The following THSD7A variants were observed in gnomAD, a reference collection of about 807,000 sequenced individuals.
The protein encoded by THSD7A is thrombospondin type 1 domain containing 7A.
A neutral mutation model predicts 231.3 loss-of-function variants in THSD7A; 96 were observed. The observed-to-expected ratio is 0.41, with a 90% CI of 0.35 to 0.49. The LOEUF (loss-of-function observed/expected upper bound fraction) is 0.49, where lower values mean the gene tolerates loss of function less well. THSD7A is among the 20% of genes least tolerant of loss of function. THSD7A has a pLI of 0.05. For missense variants in THSD7A, 2,290 were observed against 2,070.2 expected, an observed-to-expected ratio of 1.11 and a Z score of -2.06; for synonymous variants, 940 against 743.3, an observed-to-expected ratio of 1.26 and a Z score of -4.30.
intron 6 of THSD7A, among the ~76,000 whole-genome samples, chr7:11,487,293 A>T (rs1259770424): frequency 1.3e-5 from 2 of 152,202 alleles, no homozygotes; most frequent in Non-Finnish European, 2.9e-5. Flanking sequence ...GAAGACTACC[A>T]TAGAAACACA....
At chr7:11,674,994 ACAGC>A (rs1783578937) in intron 1 of THSD7A, among the ~76,000 whole-genome samples, 2 of 152,176 alleles carry the variant, frequency 1.3e-5, no homozygotes, top group Admixed American at 6.5e-5. Flanking sequence ...CCGAATAGGA[ACAGC>A]TCCAGTCTGC....
intron 1 of THSD7A, among the ~76,000 whole-genome samples, chr7:11,791,077 A>C (rs1338265876): frequency 6.6e-6 from 1 of 152,006 alleles, no homozygotes; most frequent in African/African-American, 2.4e-5. Flanking sequence ...CTGTAACTTA[A>C]CAAGAGCAAG....
intron 1 of THSD7A, among the ~76,000 whole-genome samples, chr7:11,688,759 T>C (rs1780142500): frequency 6.6e-6 from 1 of 151,596 alleles, no homozygotes; most frequent in Non-Finnish European, 1.5e-5. Flanking sequence ...TGAGAGGTAA[T>C]GGAGGAGGAA....
intron 23 of THSD7A, among the ~76,000 whole-genome samples, chr7:11,391,565 G>GC (rs1429455064): frequency 6.6e-6 from 1 of 152,090 alleles, no homozygotes; most frequent in Admixed American, 6.5e-5. Flanking sequence ...AGACCACTTG[G>GC]CCCCCTGGCC....
At chr7:11,463,555 C>T (rs12699192) in intron 9 of THSD7A, among the ~76,000 whole-genome samples, 52,729 of 152,030 alleles carry the variant, frequency 0.35, 11,051 homozygotes, top group Non-Finnish European at 0.47. Flanking sequence ...TCTGGGCTTA[C>T]ATGTAACTTT....
At chr7:11,565,703 C>T (rs1359316601) in intron 4 of THSD7A, among the ~76,000 whole-genome samples, 1 of 152,186 alleles carries the variant, frequency 6.6e-6, no homozygotes, top group Non-Finnish European at 1.5e-5. Context: ...CACATCGTTT[C>T]CTCTTGTTCT....
chr7:11,406,212 T>A lies in THSD7A; in HGVS notation c.4237+88A>T, dbSNP rs1467724156. The A allele has an allele frequency of 7.6e-7, 1 of 1,321,156 alleles. No individual in the cohort carries two copies. Among genetic ancestry groups the A allele is most frequent in the African/African-American group, 1.5e-5 (1 of 67,814 alleles). The allele number at this position is 1,321,156 out of a possible 1,614,324, so 81.8% of individuals were successfully genotyped here. A position where few individuals can be genotyped will look rare whatever the true frequency, so the allele number is the denominator to read the frequency against. ...CTGAATAAGAAGACTGTTGACATCC[T>A]GTAACTTATACTTTATATGCAACCC... On this transcript the variant is annotated intron_variant, in intron 22 of 27. Transcript: ENST00000423059. This position sits in a 1 kb window ranked among gnomAD's most constrained non-coding sequence, Gnocchi z 4.7.
intron 1 of THSD7A, among the ~76,000 whole-genome samples, chr7:11,763,114 C>G (rs1175709888): frequency 6.6e-6 from 1 of 152,160 alleles, no homozygotes; most frequent in Admixed American, 6.5e-5. Context: ...AACAACCCCC[C>G]ACACTTTGCC....
At chr7:11,791,899 G>C (rs929939052) in intron 1 of THSD7A, among the ~76,000 whole-genome samples, 1 of 151,682 alleles carries the variant, frequency 6.6e-6, no homozygotes, top group Non-Finnish European at 1.5e-5. Flanking sequence ...AAATTTTTGG[G>C]GGCTATCCAC....
chr7:11,694,777 T>A (rs1187545277), intron 1 of THSD7A, among the ~76,000 whole-genome samples: 5 of 151,602 alleles, frequency 3.3e-5, no homozygotes, highest in African/African-American at 9.7e-5. Flanking sequence ...ATTTTTAACC[T>A]AAATGTAATA....
At chr7:11,495,189 G>T (rs1256695997) in intron 6 of THSD7A, among the ~76,000 whole-genome samples, 1 of 151,864 alleles carries the variant, frequency 6.6e-6, no homozygotes. Flanking sequence ...ACAAATCATT[G>T]CTCATTGAGA....
chr7:11,827,420 AT>A (rs957689267), intron 1 of THSD7A, among the ~76,000 whole-genome samples: 2 of 152,218 alleles, frequency 1.3e-5, no homozygotes, highest in African/African-American at 4.8e-5. Flanking sequence ...TTTCTAAAAT[AT>A]TTTAGAATTC....
At chr7:11,804,809 C>T (rs1332275800) in intron 1 of THSD7A, among the ~76,000 whole-genome samples, 1 of 152,152 alleles carries the variant, frequency 6.6e-6, no homozygotes, top group Admixed American at 6.6e-5. Context: ...GTTCAGTCCT[C>T]ACATCTGCGG....
intron 1 of THSD7A, among the ~76,000 whole-genome samples, chr7:11,659,289 T>C (rs1383417772): frequency 6.6e-6 from 1 of 151,638 alleles, no homozygotes; most frequent in African/African-American, 2.4e-5. Flanking sequence ...TCATCTGTTC[T>C]CTGCACCGAG....
chr7:11,718,676 A>C (rs1306537545), intron 1 of THSD7A, among the ~76,000 whole-genome samples: 2 of 151,644 alleles, frequency 1.3e-5, no homozygotes, highest in East Asian at 3.9e-4. Context: ...TTAGTATAAG[A>C]AACTGACCAA....
At chr7:11,564,850 A>G (rs1038051283) in intron 4 of THSD7A, among the ~76,000 whole-genome samples, 2 of 152,182 alleles carry the variant, frequency 1.3e-5, no homozygotes, top group African/African-American at 4.8e-5. Flanking sequence ...AATTTCTCTC[A>G]CTGACCTTGT....
At chr7:11,745,427 G>T (rs1430416711) in intron 1 of THSD7A, among the ~76,000 whole-genome samples, 2 of 151,968 alleles carry the variant, frequency 1.3e-5, no homozygotes, top group Non-Finnish European at 2.9e-5. Context: ...TTCTTTTGCT[G>T]TGCAGAAGCT....
intron 4 of THSD7A, among the ~76,000 whole-genome samples, chr7:11,551,244 A>G (rs930080807): frequency 5.3e-5 from 8 of 152,100 alleles, no homozygotes; most frequent in Admixed American, 4.6e-4. Flanking sequence ...AAAACTCTAG[A>G]AGAAAACCTA....
chr7:11,564,583 T>C (rs1447946509), intron 4 of THSD7A, among the ~76,000 whole-genome samples: 1 of 152,188 alleles, frequency 6.6e-6, no homozygotes, highest in Non-Finnish European at 1.5e-5. Context: ...TCCAGTCTTA[T>C]ATAAATACCA....
Sources: gnomAD v4.1 joint callset for allele counts (sites outside exome capture counted in the v4.1 genomes callset) on GRCh38, gnomAD v4.1.1 for gene constraint, Gnocchi (gnomAD v3.1) non-coding constraint, MANE v1.5 for transcripts, NCBI Gene and HGNC (gene_info 2026-07-23, HGNC 2026-07-21) for gene names.